CNBD1: variants seen among roughly 807,000 people sequenced by gnomAD.
CNBD1 encodes the protein cyclic nucleotide binding domain containing 1, also known as cyclic nucleotide-binding domain-containing protein 1.
In CNBD1, 71 loss-of-function variants were observed where a neutral mutation model predicts 54.4. The ratio of observed to expected loss-of-function variants is 1.30; its 90% CI spans 1.08 to 1.59. CNBD1 has a LOEUF of 1.59. Ranked by LOEUF, CNBD1 falls within the 40% of genes most tolerant of loss-of-function variation. The pLI is 0.00. For missense variants in CNBD1, 659 were observed against 518.0 expected (o/e 1.27, Z -2.64); for synonymous variants, 182 against 170.7 (o/e 1.07, Z -0.51).
At chr8:87,305,550 A>T (rs975369208) in intron 8 of CNBD1, among the ~76,000 whole-genome samples, 1 of 152,202 alleles carries the variant, frequency 6.6e-6, no homozygotes, top group Non-Finnish European at 1.5e-5. Context: ...ATTGGTATAA[A>T]AATAGGCACA....
intron 2 of CNBD1, among the ~76,000 whole-genome samples, chr8:87,421,992 T>C (rs1289588203): frequency 2.7e-5 from 4 of 150,010 alleles, no homozygotes; most frequent in East Asian, 1.9e-4. Context: ...TGGTATCTCA[T>C]TGTGGTTTTG....
At chr8:87,383,837 A>C (rs116486309), downstream of CNBD1, among the ~76,000 whole-genome samples, 2,870 of 152,224 alleles carry the variant, frequency 0.019, 89 homozygotes, top group African/African-American at 0.062. Context: ...CCATGCTCCA[A>C]ATCATGTAGA....
rs1808361116 is a variant in CNBD1 at position 86,866,426 on chromosome 8, C to T, written c.-70C>T. 4.6e-6 allele frequency: 5 copies of T among 1,091,376 alleles called. No individual in the cohort carries two copies. The highest frequency in any genetic ancestry group is 6.9e-6 in the Non-Finnish European group (5 of 727,378). The allele number at this position is 1,091,376 out of a possible 1,614,324, so 67.6% of individuals were successfully genotyped here. ...GACCTTGAAGTTCTGCTTTATGAGCCTGCAGGCAAAGAGTGATCATTTGCC... is the reference window on the plus strand; with the variant it reads ...GACCTTGAAGTTCTGCTTTATGAGCTTGCAGGCAAAGAGTGATCATTTGCC... On this transcript the variant is annotated 5_prime_UTR_variant, in exon 1 of 11. Coordinates refer to ENST00000518476, the MANE Select transcript of CNBD1 (RefSeq NM_173538.3).
At chr8:87,332,719 T>C (rs1809861917) in intron 8 of CNBD1, among the ~76,000 whole-genome samples, 1 of 152,270 alleles carries the variant, frequency 6.6e-6, no homozygotes. Context: ...AGGTCTCTAT[T>C]ATGTTTCATT....
chr8:87,412,443 T>C (rs1807762038), intron 2 of CNBD1, among the ~76,000 whole-genome samples: 1 of 152,144 alleles, frequency 6.6e-6, no homozygotes. Flanking sequence ...GCCTATCATG[T>C]GCAAGTGATT....
intron 8 of CNBD1, among the ~76,000 whole-genome samples, chr8:87,342,098 C>A (rs536427699): frequency 6.6e-6 from 1 of 151,970 alleles, no homozygotes; most frequent in East Asian, 1.9e-4. Flanking sequence ...ACGGCGAAAC[C>A]CTGTTTCTAC....
intron 1 of CNBD1, among the ~76,000 whole-genome samples, chr8:86,883,965 A>G (rs922896762): frequency 3.4e-4 from 51 of 151,804 alleles, no homozygotes; most frequent in Non-Finnish European, 2.4e-4. Context: ...TCCCGGCTAA[A>G]ACGGTGAAAC....
chr8:86,929,514 G>A (rs1007358788), intron 3 of CNBD1, among the ~76,000 whole-genome samples: 6 of 152,152 alleles, frequency 3.9e-5, no homozygotes. Context: ...GTTAAGGTCA[G>A]GATTAGCTAA....
chr8:87,033,413 C>G (rs547335010), intron 4 of CNBD1, among the ~76,000 whole-genome samples: 1 of 152,270 alleles, frequency 6.6e-6, no homozygotes, highest in Admixed American at 6.5e-5. Flanking sequence ...CAAGGTAATT[C>G]TTGACTTCGG....
Position 87,194,132 on chromosome 8 carries a change from T to C in CNBD1, c.432-11861T>C, listed in dbSNP as rs78868742. Among the ~76,000 whole-genome samples, 1,364 of 152,344 alleles carry C rather than the reference T, an allele frequency of 9.0e-3. 20 individuals carry two copies. Among genetic ancestry groups the C allele is most frequent in the Middle Eastern group, 0.031 (9 of 294 alleles). ...CTATGTGTGCCTTATGAGAATCTAA[T>C]GATTAATGCGCTTGAATCATCACAA... On this transcript the variant is annotated intron_variant, in intron 4 of 10. Coordinates refer to ENST00000518476, the MANE Select transcript of CNBD1 (RefSeq NM_173538.3).
chr8:87,387,566 C>T (rs149994369), downstream of CNBD1, among the ~76,000 whole-genome samples: 3 of 152,066 alleles, frequency 2.0e-5, no homozygotes, highest in Admixed American at 6.6e-5. Flanking sequence ...CTATCCTAAA[C>T]ATATATGCAC....
chr8:86,992,656 G>A (rs1808779587), intron 4 of CNBD1, among the ~76,000 whole-genome samples: 1 of 152,006 alleles, frequency 6.6e-6, no homozygotes, highest in African/African-American at 2.4e-5. Flanking sequence ...TCATGAGGCT[G>A]ATCTAGTTGT....
intron 1 of CNBD1, among the ~76,000 whole-genome samples, chr8:86,880,430 G>T (rs1808590457): frequency 6.6e-6 from 1 of 152,136 alleles, no homozygotes; most frequent in African/African-American, 2.4e-5. Context: ...ATTGTATTAG[G>T]TATTAAAAGT....
chr8:87,266,909 T>C (rs1406341110), intron 6 of CNBD1, among the ~76,000 whole-genome samples: 1 of 152,162 alleles, frequency 6.6e-6, no homozygotes, highest in Non-Finnish European at 1.5e-5. Flanking sequence ...ACATGCCTAA[T>C]GATGAAAGGA....
intron 4 of CNBD1, among the ~76,000 whole-genome samples, chr8:86,978,889 A>AT (rs948091175): frequency 9.2e-5 from 14 of 152,016 alleles, no homozygotes; most frequent in Non-Finnish European, 1.3e-4. Context: ...CAAATTAATG[A>AT]TTTTTTTCTG....
At chr8:87,043,221 C>T (rs959492850) in intron 4 of CNBD1, among the ~76,000 whole-genome samples, 20 of 152,090 alleles carry the variant, frequency 1.3e-4, no homozygotes, top group African/African-American at 4.3e-4. Context: ...TTGCAATTAG[C>T]CTTCTCTCAG....
intron 6 of CNBD1, among the ~76,000 whole-genome samples, chr8:87,281,573 T>C (rs1310047845): frequency 3.6e-5 from 2 of 55,006 alleles, no homozygotes; most frequent in African/African-American, 6.4e-5. Flanking sequence ...TATATATATA[T>C]ATATATATAT....
intron 10 of CNBD1, among the ~76,000 whole-genome samples, chr8:87,358,359 A>G (rs887288256): frequency 6.6e-6 from 1 of 152,004 alleles, no homozygotes; most frequent in South Asian, 2.1e-4. Flanking sequence ...TTCAAATACA[A>G]CCTCCCTCAA....
chr8:87,224,983 G>A (rs1814445168), intron 5 of CNBD1, among the ~76,000 whole-genome samples: 2 of 152,090 alleles, frequency 1.3e-5, no homozygotes, highest in Non-Finnish European at 2.9e-5. Context: ...GGATTCCTGG[G>A]TATTTTATTC....
Sources: allele counts gnomAD v4.1 joint callset (sites outside exome capture counted in the v4.1 genomes callset), GRCh38; gene constraint gnomAD v4.1.1; transcripts MANE v1.5; gene names NCBI Gene and HGNC (gene_info 2026-07-23, HGNC 2026-07-21).